Variants in SLFN12L observed in about 807,000 individuals in gnomAD.
SLFN12L encodes the protein schlafen family member 12 like, also known as schlafen family member 12-like.
In SLFN12L, 34 loss-of-function variants were observed where a neutral mutation model predicts 34.8. That is an observed-to-expected ratio of 0.98 (90% CI 0.74 to 1.30). The LOEUF is 1.30. Among genes scored for constraint, SLFN12L ranks in the 50% most tolerant of loss-of-function variants. SLFN12L has a pLI of 0.00. For missense variants in SLFN12L, 703 were observed against 696.2 expected (o/e 1.01, Z -0.11); for synonymous variants, 259 against 247.5 (o/e 1.05, Z -0.44).
chr17:35,483,748 G>C (rs1914456391), intron 2 of SLFN12L, among the ~76,000 whole-genome samples: 2 of 152,170 alleles, frequency 1.3e-5, no homozygotes, highest in South Asian at 2.1e-4. Context: ...AAGTGGCCTA[G>C]AGACAGTTGA....
At chr17:35,530,231 T>C (rs2072378410) in intron 1 of SLFN12L, among the ~76,000 whole-genome samples, 1 of 147,544 alleles carries the variant, frequency 6.8e-6, no homozygotes, top group Non-Finnish European at 1.5e-5. Flanking sequence ...CCTGTAGTCC[T>C]AGCTACTCGG....
chr17:35,478,034 C>G (rs1269635559), intron 4 of SLFN12L, 41 bp downstream of exon 4: 2 of 1,279,402 alleles, frequency 1.6e-6, no homozygotes, highest in South Asian at 2.6e-5. Context: ...GGTTTGAACA[C>G]AGTTACACCA....
intron 1 of SLFN12L, 116 bp from the exon 2 acceptor site, chr17:35,523,085 T>A: frequency 4.0e-6 from 1 of 252,836 alleles, no homozygotes; most frequent in Non-Finnish European, 7.4e-6. Context: ...ATTTCAAATA[T>A]TCTTCTATAA....
At chr17:35,534,770 C>T (rs991560942) in intron 1 of SLFN12L, among the ~76,000 whole-genome samples, 1 of 152,180 alleles carries the variant, frequency 6.6e-6, no homozygotes, top group Non-Finnish European at 1.5e-5. Context: ...AAAACCATAG[C>T]TTAGCCAAAC....
chr17:35,485,893 T>A (rs1160596941), intron 2 of SLFN12L, among the ~76,000 whole-genome samples: 3 of 152,348 alleles, frequency 2.0e-5, no homozygotes, highest in South Asian at 4.1e-4. Flanking sequence ...TTGGTTACTG[T>A]AGCCTTGAAG....
intron 2 of SLFN12L, chr17:35,487,630 A>G: frequency 7.6e-7 from 1 of 1,310,508 alleles, no homozygotes; most frequent in Non-Finnish European, 1.1e-6. Context: ...CCACGTGAAT[A>G]GCTCTGAGGG....
At chr17:35,514,617 C>A in intron 2 of SLFN12L, 1 of 227,866 alleles carries the variant, frequency 4.4e-6, no homozygotes, top group Non-Finnish European at 8.8e-6. Flanking sequence ...ATAAATGAAC[C>A]AAATGGATTT....
Position 35,470,676 on chromosome 17 carries a change from T to C in SLFN12L, c.*4247A>G, listed in dbSNP as rs2142119481. The C allele has an allele frequency of 6.6e-6, 1 of 151,896 alleles. No homozygotes were observed. The highest frequency in any genetic ancestry group is 1.5e-5 in the Non-Finnish European group (1 of 67,942). 9.4% of individuals were successfully genotyped at this position (151,896 alleles called of 1,614,324 possible). Reference sequence around the variant, plus strand: ...ATGCTCCCACTGTTTTAAGTTCTTTTTTTTTTTTTTAATTTTTATTATACT... The same window carrying C: ...ATGCTCCCACTGTTTTAAGTTCTTTCTTTTTTTTTTAATTTTTATTATACT... On this transcript the variant is annotated 3_prime_UTR_variant, in exon 5 of 5. Transcript: ENST00000628453.
Position 35,475,468 on chromosome 17 carries a change from T to G in SLFN12L, c.1294A>C (p.Thr432Pro), listed in dbSNP as rs758144598. Residue 432 changes from threonine to proline, a missense_variant, in exon 5 of 5, where the codon ACT (threonine) becomes CCT (proline). Thr to Pro is a conservative substitution (Grantham distance 38). Coordinates refer to ENST00000628453, the MANE Select transcript of SLFN12L (RefSeq NM_001363830.2). ...YHLPGLSEKITCAPKTFCRNL... is the reference protein window; with the variant it reads ...YHLPGLSEKIPCAPKTFCRNL... Reference sequence around the variant, plus strand: ...CTGCAGAAGGTTTTTGGAGCACAAGTTATCTTTTCTGATAGCCCTAGATGG... The same window carrying G: ...CTGCAGAAGGTTTTTGGAGCACAAGGTATCTTTTCTGATAGCCCTAGATGG... 6.2e-7 allele frequency: 1 copy of G among 1,607,620 alleles called. No individual in the cohort carries two copies. Among genetic ancestry groups the G allele is most frequent in the South Asian group, 1.1e-5 (1 of 90,004 alleles).
intron 2 of SLFN12L, among the ~76,000 whole-genome samples, chr17:35,517,749 T>C (rs1410295610): frequency 6.6e-6 from 1 of 152,002 alleles, no homozygotes; most frequent in Non-Finnish European, 1.5e-5. Flanking sequence ...ACACCACACA[T>C]CTACAACCAT....
At chr17:35,490,841 G>T in intron 2 of SLFN12L, 3 of 1,098,862 alleles carry the variant, frequency 2.7e-6, no homozygotes, top group Non-Finnish European at 4.2e-6. Flanking sequence ...CATTTGGCAG[G>T]TACCCAAGGG....
intron 2 of SLFN12L, among the ~76,000 whole-genome samples, chr17:35,512,444 C>A (rs929008720): frequency 2.7e-5 from 4 of 149,204 alleles, no homozygotes; most frequent in African/African-American, 5.0e-5. Flanking sequence ...CAGCTCACTG[C>A]AAGCTCCGCC....
intron 1 of SLFN12L, among the ~76,000 whole-genome samples, chr17:35,531,019 T>C (rs914298555): frequency 6.6e-6 from 1 of 152,070 alleles, no homozygotes; most frequent in Non-Finnish European, 1.5e-5. Flanking sequence ...TAGCCCCAAA[T>C]GCCTATATTG....
rs1291568851 is a variant in SLFN12L, at chr17:35,468,053, GCA to G, written c.*6868_*6869del. ...GCCTCCTGAGAAGCTGCGACCACAG[GCA>G]CACACTACCACGCCCAGCTAATTTT... On this transcript the variant is annotated 3_prime_UTR_variant, in exon 5 of 5. Coordinates refer to ENST00000628453, the MANE Select transcript of SLFN12L (RefSeq NM_001363830.2). 6.6e-6 allele frequency among the ~76,000 whole-genome samples: 1 copy of G among 152,060 alleles called. No homozygotes were observed. The highest frequency in any genetic ancestry group is 2.4e-5 in the African/African-American group (1 of 41,402).
At chr17:35,477,354 C>A (rs765908578) in intron 4 of SLFN12L, among the ~76,000 whole-genome samples, 3 of 152,116 alleles carry the variant, frequency 2.0e-5, no homozygotes, top group Non-Finnish European at 4.4e-5. Flanking sequence ...ATCTTTATAA[C>A]CCCGGGGTAG....
At chr17:35,490,078 C>A (rs548219374) in intron 2 of SLFN12L, 106 of 1,606,540 alleles carry the variant, frequency 6.6e-5, no homozygotes, top group Non-Finnish European at 8.8e-5. Context: ...CCGTAGCCAC[C>A]GGCCCCCTCC....
rs753162444 is a variant in SLFN12L at position 35,474,986 on chromosome 17, CAAAA to C, written c.1772_1775del (p.Phe591CysfsTer20). ...AACAAAAACGAAACAAACAAACAAA[CAAAA>C]AGATTTGATTCTCCTTAGGTAAGAT... is the stretch of plus-strand genomic sequence containing the variant. On this transcript the variant is annotated frameshift_variant, in exon 5 of 5. Coordinates refer to ENST00000628453, the MANE Select transcript of SLFN12L (RefSeq NM_001363830.2). LOFTEE classifies it high-confidence loss of function. 3.2e-6 allele frequency: 5 copies of C among 1,560,772 alleles called. No homozygotes were observed. Among genetic ancestry groups the C allele is most frequent in the Non-Finnish European group, 4.3e-6 (5 of 1,151,554 alleles).
intron 2 of SLFN12L, among the ~76,000 whole-genome samples, chr17:35,507,855 G>A (rs561540389): frequency 5.9e-5 from 9 of 152,294 alleles, no homozygotes; most frequent in African/African-American, 2.2e-4. Context: ...CATGGGTAGT[G>A]AGAATGAAAG....
At chr17:35,488,041 T>TA (rs1914673737) in intron 2 of SLFN12L, among the ~76,000 whole-genome samples, 1 of 152,154 alleles carries the variant, frequency 6.6e-6, no homozygotes, top group South Asian at 2.1e-4. Context: ...AACCCGTCTC[T>TA]ACTAAAAATA....
Sources: allele counts gnomAD v4.1 joint callset (sites outside exome capture counted in the v4.1 genomes callset), GRCh38; gene constraint gnomAD v4.1.1; transcripts MANE v1.5; gene names NCBI Gene and HGNC (gene_info 2026-07-23, HGNC 2026-07-21).